The following PPHLN1 variants were observed in gnomAD, a reference collection of about 807,000 sequenced individuals.
PPHLN1 encodes the protein periphilin 1, also known as periphilin-1.
In PPHLN1, 29 loss-of-function variants were observed where a neutral mutation model predicts 51.3. That is an observed-to-expected ratio of 0.57 (90% CI 0.42 to 0.77). PPHLN1 has a LOEUF of 0.77. Ranked by LOEUF, PPHLN1 falls within the 30% of genes least tolerant of loss-of-function variation. PPHLN1 has a pLI of 0.00. For synonymous variants in PPHLN1, 147 were observed against 147.8 expected (o/e 0.99, Z 0.04); for missense variants, 436 against 438.4 (o/e 0.99, Z 0.05).
chr12:42,375,104 C>A lies in PPHLN1; in HGVS notation c.511+30C>A. 3 of 1,490,070 alleles carry A rather than the reference C, an allele frequency of 2.0e-6. No homozygotes were observed. The South Asian group carries it at 3.7e-5, about 18-fold the overall frequency. The allele number at this position is 1,490,070 out of a possible 1,614,324, so 92.3% of individuals were successfully genotyped here. A position where few individuals can be genotyped will look rare whatever the true frequency, so the allele number is the denominator to read the frequency against. On this transcript the variant is annotated intron_variant, in intron 5 of 9. Transcript: ENST00000358314. The stretch of plus-strand genomic sequence containing the variant: ...GTATTTTAAGACTTTATTTTTTTCT[C>A]TCACAGTCTCCTCTGATGAGAATGT...
chr12:42,337,286 G>A (rs1392830717), intron 2 of PPHLN1, among the ~76,000 whole-genome samples: 2 of 134,828 alleles, frequency 1.5e-5, no homozygotes, highest in East Asian at 4.3e-4. Context: ...TTTTTGAGAT[G>A]GAGTTTCACT....
chr12:42,431,769 C>G, intron 9 of PPHLN1: 1 of 1,036,334 alleles, frequency 9.6e-7, no homozygotes, highest in South Asian at 1.3e-5. Context: ...AATGTCATTG[C>G]CAGAAGCACT....
intron 1 of PPHLN1, among the ~76,000 whole-genome samples, chr12:42,335,226 C>T (rs534398325): frequency 2.0e-5 from 3 of 152,010 alleles, no homozygotes; most frequent in South Asian, 2.1e-4. Context: ...CCCCCCCCTT[C>T]TCTGAATCCC....
intron 4 of PPHLN1, among the ~76,000 whole-genome samples, chr12:42,373,960 G>T (rs2076020235): frequency 6.6e-6 from 1 of 152,066 alleles, no homozygotes; most frequent in African/African-American, 2.4e-5. Flanking sequence ...TGTAGTGTTG[G>T]GGGGCATGTC....
chr12:42,393,367 T>G (rs2077903240), intron 7 of PPHLN1, among the ~76,000 whole-genome samples: 1 of 152,094 alleles, frequency 6.6e-6, no homozygotes, highest in East Asian at 1.9e-4. Context: ...AAGAATTAGA[T>G]CTGGTCTATA....
intron 9 of PPHLN1, among the ~76,000 whole-genome samples, chr12:42,439,050 GA>G (rs939836701): frequency 6.6e-6 from 1 of 152,088 alleles, no homozygotes; most frequent in Non-Finnish European, 1.5e-5. Context: ...AAATTTTAAT[GA>G]AATCCAATTT....
intron 1 of PPHLN1, among the ~76,000 whole-genome samples, chr12:42,327,133 T>C (rs1355592539): frequency 6.6e-6 from 1 of 152,224 alleles, no homozygotes; most frequent in African/African-American, 2.4e-5. Flanking sequence ...TGTAAGCTTC[T>C]GTGGTCTTCT....
chr12:42,370,905 A>C (rs1290286512), intron 4 of PPHLN1, among the ~76,000 whole-genome samples: 1 of 151,956 alleles, frequency 6.6e-6, no homozygotes, highest in Non-Finnish European at 1.5e-5. Context: ...TCCTGGATTC[A>C]AGCAATTCTC....
chr12:42,377,301 CTTTTTTTTTT>C (rs11297368), intron 5 of PPHLN1, among the ~76,000 whole-genome samples: 8 of 105,002 alleles, frequency 7.6e-5, no homozygotes, highest in African/African-American at 2.6e-4. Context: ...TTTTTTCTTT[CTTTTTTTTTT>C]TTTTTTTTTG....
chr12:42,396,818 C>T (rs2078265006), intron 8 of PPHLN1, among the ~76,000 whole-genome samples: 1 of 143,270 alleles, frequency 7.0e-6, no homozygotes, highest in African/African-American at 2.6e-5. Flanking sequence ...GACAGCGGGG[C>T]AGGTATGCTG....
intron 9 of PPHLN1, among the ~76,000 whole-genome samples, chr12:42,430,808 T>C (rs2081973377): frequency 6.6e-6 from 1 of 152,202 alleles, no homozygotes; most frequent in South Asian, 2.1e-4. Flanking sequence ...CACTGTGTTA[T>C]CTCTTTTTTT....
chr12:42,372,096 G>T (rs2138704373), intron 4 of PPHLN1, among the ~76,000 whole-genome samples: 1 of 152,012 alleles, frequency 6.6e-6, no homozygotes, highest in Middle Eastern at 3.4e-3. Context: ...TCCCTATAGT[G>T]CTGTTCATAT....
Position 42,332,776 on chromosome 12 carries a change from A to G in PPHLN1, c.-20-3107A>G, listed in dbSNP as rs953626408. 4.6e-6 allele frequency: 4 copies of G among 874,528 alleles called. No homozygotes were observed. In the Admixed American group the frequency reaches 7.7e-5, roughly 17 times the overall value. The allele number at this position is 874,528 out of a possible 1,614,324, so 54.2% of individuals were successfully genotyped here. ...TTGTGGGACACCGGTAAATTTTAAT[A>G]TTTCAGTATTAAACTACATACTATT... On this transcript the variant is annotated intron_variant, in intron 1 of 9. Coordinates refer to ENST00000358314, the MANE Select transcript of PPHLN1 (RefSeq NM_201439.2).
intron 7 of PPHLN1, among the ~76,000 whole-genome samples, chr12:42,388,016 C>T (rs1195178436): frequency 6.6e-6 from 1 of 152,214 alleles, no homozygotes; most frequent in Admixed American, 6.5e-5. Flanking sequence ...CACTGCGGAA[C>T]GCCGCAGGGA....
intron 7 of PPHLN1, among the ~76,000 whole-genome samples, chr12:42,389,206 A>G (rs2077460738): frequency 6.6e-6 from 1 of 151,834 alleles, no homozygotes; most frequent in Admixed American, 6.6e-5. Flanking sequence ...CCCCGTCTCT[A>G]CTAAAAATAC....
chr12:42,359,604 T>C (rs900835575), intron 4 of PPHLN1: 5 of 152,238 alleles, frequency 3.3e-5, no homozygotes, highest in African/African-American at 1.2e-4. Context: ...TCAGGTGGGC[T>C]CATTGACGAT....
chr12:42,378,088 TTCTCTTTCTTTCTTTCTTTC>T (rs1565878944), intron 5 of PPHLN1, among the ~76,000 whole-genome samples: 2 of 121,598 alleles, frequency 1.6e-5, no homozygotes, highest in African/African-American at 3.3e-5. Flanking sequence ...CTATCTATCT[TTCTCTTTCTTTCTTTCTTTC>T]TTTCTTTCTT....
downstream of PPHLN1, chr12:42,446,145 C>A (rs747208349): frequency 4.4e-6 from 7 of 1,591,272 alleles, no homozygotes; most frequent in Non-Finnish European, 6.0e-6. Context: ...CTTCGTCGGA[C>A]GACAGGAGCC....
intron 9 of PPHLN1, among the ~76,000 whole-genome samples, chr12:42,403,154 A>G (rs1391914307): frequency 1.5e-4 from 23 of 152,210 alleles, no homozygotes; most frequent in Admixed American, 1.5e-3. Context: ...CTTACATAAT[A>G]GAAACATTCT....
Sources: gnomAD v4.1 joint callset for allele counts (sites outside exome capture counted in the v4.1 genomes callset) on GRCh38, gnomAD v4.1.1 for gene constraint, MANE v1.5 for transcripts, NCBI Gene and HGNC (gene_info 2026-07-23, HGNC 2026-07-21) for gene names.